Variants in FREM2 observed in about 807,000 individuals in gnomAD.
FREM2 encodes FRAS1-related extracellular matrix protein 2.
Under a neutral mutation model 219.9 loss-of-function variants are expected in FREM2, and 119 were observed. The ratio of observed to expected loss-of-function variants is 0.54; its 90% CI spans 0.47 to 0.63. The LOEUF is 0.63. FREM2 is among the 30% of genes least tolerant of loss of function. The probability of loss-of-function intolerance (pLI) is 0.00; values close to 1 mark genes in which losing one functional copy is unlikely to be tolerated. For synonymous variants in FREM2, 1,562 were observed against 1,522.8 expected, an observed-to-expected ratio of 1.03 and a Z score of -0.60; for missense variants, 4,030 against 3,993.6, an observed-to-expected ratio of 1.01 and a Z score of -0.25.
At chr13:38,692,819 T>C (rs748564662) in intron 1 of FREM2, among the ~76,000 whole-genome samples, 17 of 152,338 alleles carry the variant, frequency 1.1e-4, no homozygotes, top group South Asian at 2.1e-4. Context: ...TCTGCTCCAT[T>C]TGCCATACCT....
chr13:38,860,238 G>A (rs1593450523), intron 14 of FREM2, among the ~76,000 whole-genome samples: 2 of 152,204 alleles, frequency 1.3e-5, no homozygotes, highest in East Asian at 3.9e-4. Context: ...TCCAGATAGA[G>A]GGGTACGTGC....
At chr13:38,859,168 T>G in intron 13 of FREM2, 119 bp from the exon 14 acceptor site, 1 of 961,066 alleles carries the variant, frequency 1.0e-6, no homozygotes, top group East Asian at 2.4e-5. Context: ...GGAAGCTGTA[T>G]AAACAGCATG....
chr13:38,832,224 A>G (rs1231292244), intron 6 of FREM2, among the ~76,000 whole-genome samples: 5 of 152,060 alleles, frequency 3.3e-5, no homozygotes, highest in Non-Finnish European at 7.4e-5. Context: ...AGATCTCACC[A>G]CGGCACTCCA....
intron 2 of FREM2, among the ~76,000 whole-genome samples, chr13:38,739,966 G>T (rs1015766436): frequency 9.9e-5 from 15 of 152,164 alleles, no homozygotes; most frequent in Non-Finnish European, 2.9e-5. Context: ...ACTGCCTACT[G>T]ATGCTAGCAA....
chr13:38,756,302 T>C (rs1291781639), intron 2 of FREM2, among the ~76,000 whole-genome samples: 1 of 152,210 alleles, frequency 6.6e-6, no homozygotes, highest in Non-Finnish European at 1.5e-5. Flanking sequence ...TAGGTTTCTA[T>C]GGGCCTCTGG....
chr13:38,735,234 A>G (rs922282683), intron 2 of FREM2, among the ~76,000 whole-genome samples: 3 of 152,222 alleles, frequency 2.0e-5, no homozygotes, highest in Non-Finnish European at 4.4e-5. Flanking sequence ...TAATGATTAG[A>G]AATTGAATTT....
At chr13:38,869,408 A>C (rs1878083129) in intron 16 of FREM2, among the ~76,000 whole-genome samples, 1 of 152,182 alleles carries the variant, frequency 6.6e-6, no homozygotes, top group Non-Finnish European at 1.5e-5. Context: ...TTGCCATCTC[A>C]TTTATTTGTA....
At chr13:38,804,352 T>C (rs990232364) in intron 6 of FREM2, among the ~76,000 whole-genome samples, 1 of 150,538 alleles carries the variant, frequency 6.6e-6, no homozygotes, top group Admixed American at 6.7e-5. Flanking sequence ...TAGAAAAATG[T>C]AGATATTATA....
At position 38,873,373 on chromosome 13, in the gene FREM2, A is replaced by G. The variant is rs964257657; in HGVS notation, c.8176+439A>G. Among the ~76,000 whole-genome samples, 4 of 152,216 alleles carry G rather than the reference A, an allele frequency of 2.6e-5. No individual in the cohort carries two copies. In the East Asian group the frequency reaches 5.8e-4, roughly 22 times the overall value. Reference sequence around the variant, plus strand: ...ACAAATTATGGCCTGAATTCTAGTCATGACTCTACAACTAACTAGCTGTGA... The same window carrying G: ...ACAAATTATGGCCTGAATTCTAGTCGTGACTCTACAACTAACTAGCTGTGA... On this transcript the variant is annotated intron_variant, in intron 17 of 23. Transcript: ENST00000280481.
chr13:38,772,972 C>G (rs1873728547), intron 4 of FREM2, among the ~76,000 whole-genome samples: 1 of 152,084 alleles, frequency 6.6e-6, no homozygotes, highest in Non-Finnish European at 1.5e-5. Flanking sequence ...GCTGGGATTA[C>G]AGGGGTGAGC....
At chr13:38,851,622 G>A in intron 10 of FREM2, 64 bp from the exon 11 acceptor site, 2 of 1,246,210 alleles carry the variant, frequency 1.6e-6, no homozygotes, top group Non-Finnish European at 2.4e-6. Flanking sequence ...ACAAACATTA[G>A]AAATGGAGGA....
At chr13:38,728,706 C>T (rs1476415169) in intron 2 of FREM2, among the ~76,000 whole-genome samples, 1 of 152,140 alleles carries the variant, frequency 6.6e-6, no homozygotes. Flanking sequence ...ACCACCCGTA[C>T]CTGGCTAACA....
At chr13:38,747,966 C>T (rs1872556203) in intron 2 of FREM2, among the ~76,000 whole-genome samples, 3 of 152,204 alleles carry the variant, frequency 2.0e-5, no homozygotes, top group Middle Eastern at 3.4e-3. Flanking sequence ...CTGGGCAGAT[C>T]GTAAGGTTCA....
At position 38,859,620 on chromosome 13, in the gene FREM2, C is replaced by G. The variant is rs372868240; in HGVS notation, c.7519+30C>G. 4.3e-4 allele frequency: 685 copies of G among 1,583,224 alleles called. 3 individuals carry two copies. The Middle Eastern group carries it at 7.5e-3, about 17-fold the overall frequency. On this transcript the variant is annotated intron_variant, in intron 14 of 23. Coordinates refer to ENST00000280481, the MANE Select transcript of FREM2 (RefSeq NM_207361.6). ...GTCATTGCCATTTTCCCCTGAAGAT[C>G]ACTGGAATACTGTGCAATATTACAA...
intron 6 of FREM2, among the ~76,000 whole-genome samples, chr13:38,843,703 G>A (rs1351343447): frequency 2.6e-5 from 4 of 151,988 alleles, no homozygotes; most frequent in African/African-American, 7.2e-5. Context: ...TATTACATAA[G>A]GTTTTCTCCC....
intron 2 of FREM2, among the ~76,000 whole-genome samples, chr13:38,744,134 A>G (rs1187381233): frequency 1.3e-5 from 2 of 150,804 alleles, no homozygotes; most frequent in African/African-American, 4.9e-5. Flanking sequence ...AACAACTAAC[A>G]TTTGTTAAGT....
At chr13:38,726,769 C>T (rs1455255735) in intron 2 of FREM2, among the ~76,000 whole-genome samples, 1 of 152,198 alleles carries the variant, frequency 6.6e-6, no homozygotes, top group Admixed American at 6.5e-5. Flanking sequence ...GTTGCCCAAA[C>T]TGCTCTTATA....
At chr13:38,812,019 T>C (rs555742219) in intron 6 of FREM2, among the ~76,000 whole-genome samples, 18 of 152,316 alleles carry the variant, frequency 1.2e-4, no homozygotes, top group Non-Finnish European at 2.1e-4. Context: ...ATCTTCTTAC[T>C]GAATTAACCC....
At chr13:38,794,541 A>G (rs1268079269) in intron 6 of FREM2, among the ~76,000 whole-genome samples, 1 of 152,146 alleles carries the variant, frequency 6.6e-6, no homozygotes, top group African/African-American at 2.4e-5. Context: ...CTTTTTGACC[A>G]TCTTTGTTGG....
Sources: allele counts gnomAD v4.1 joint callset (sites outside exome capture counted in the v4.1 genomes callset), GRCh38; gene constraint gnomAD v4.1.1; transcripts MANE v1.5; gene names NCBI Gene and HGNC (gene_info 2026-07-23, HGNC 2026-07-21).